EFHD1: variants seen among roughly 807,000 people sequenced by gnomAD.
The protein encoded by EFHD1 is EF-hand domain family member D1.
Under a neutral mutation model 17.2 loss-of-function variants are expected in EFHD1, and 10 were observed. That is an observed-to-expected ratio of 0.58 (90% confidence interval 0.36 to 0.99). The LOEUF (loss-of-function observed/expected upper bound fraction) is 0.99, where lower values mean the gene tolerates loss of function less well. Ranked by LOEUF, EFHD1 falls within the 50% of genes least tolerant of loss-of-function variation. EFHD1 has a pLI of 0.01. For synonymous variants in EFHD1, 153 were observed against 142.0 expected, an observed-to-expected ratio of 1.08 and a Z score of -0.55; for missense variants, 310 against 327.5, an observed-to-expected ratio of 0.95 and a Z score of 0.41.
intron 1 of EFHD1, among the ~76,000 whole-genome samples, chr2:232,609,834 C>T (rs1434375225): frequency 1.3e-5 from 2 of 152,248 alleles, no homozygotes; most frequent in African/African-American, 4.8e-5. Context: ...TGCCCTGAGG[C>T]CTCTGCAGGG....
At chr2:232,623,985 G>A (rs1482593657) in intron 1 of EFHD1, among the ~76,000 whole-genome samples, 1 of 152,144 alleles carries the variant, frequency 6.6e-6, no homozygotes, top group African/African-American at 2.4e-5. Flanking sequence ...GGAGGATGGA[G>A]CTTCCTAGGG....
chr2:232,664,399 G>A (rs1230656193), intron 2 of EFHD1, among the ~76,000 whole-genome samples: 1 of 151,830 alleles, frequency 6.6e-6, no homozygotes, highest in Non-Finnish European at 1.5e-5. Flanking sequence ...ATAGGCATGA[G>A]CCACCTTGCC....
intron 3 of EFHD1, 43 bp from the exon 4 acceptor site, chr2:232,681,542 C>A: frequency 6.3e-7 from 1 of 1,598,914 alleles, no homozygotes; most frequent in Non-Finnish European, 8.5e-7. Context: ...GGGTCCTCTG[C>A]CCTCCCTTAC....
intron 3 of EFHD1, among the ~76,000 whole-genome samples, chr2:232,676,800 A>G (rs1351508728): frequency 1.3e-5 from 2 of 152,302 alleles, no homozygotes; most frequent in East Asian, 1.9e-4. Context: ...AATCAGAGGT[A>G]TAAGGAAACC....
intron 3 of EFHD1, among the ~76,000 whole-genome samples, chr2:232,676,053 G>A (rs758398240): frequency 3.9e-5 from 6 of 152,090 alleles, no homozygotes; most frequent in Non-Finnish European, 8.8e-5. Context: ...GCATGCGCCT[G>A]TAATCCCAGC....
At chr2:232,672,519 T>G in intron 3 of EFHD1, 76 bp downstream of exon 3, 2 of 1,523,324 alleles carry the variant, frequency 1.3e-6, no homozygotes, top group Non-Finnish European at 1.8e-6. Context: ...AGCTGTCATT[T>G]TCATCTCAGC....
At position 232,633,780 on chromosome 2, in the gene EFHD1, C is replaced by T; in HGVS notation, c.76C>T (p.Leu26=). The T allele has an allele frequency of 6.8e-7, 1 of 1,460,304 alleles. No homozygotes were observed. The highest frequency in any genetic ancestry group is 9.0e-7 in the Non-Finnish European group (1 of 1,114,340). The allele number at this position is 1,460,304 out of a possible 1,614,324, so 90.5% of individuals were successfully genotyped here. A position where few individuals can be genotyped will look rare whatever the true frequency, so the allele number is the denominator to read the frequency against. Reference sequence around the variant, plus strand: ...GGAGGCCGAGGAGAGTGGCCCCCAGCTGGCTCCCCTCGGCGCCCCAGCCCC... The same window carrying T: ...GGAGGCCGAGGAGAGTGGCCCCCAGTTGGCTCCCCTCGGCGCCCCAGCCCC... ...REEAEESGPQ[L]APLGAPAPEP... is the part of the protein sequence containing the mutation. Residue 26 remains leucine (L), a synonymous_variant, in exon 1 of 4, where the codon CTG becomes TTG. Transcript: ENST00000264059.
intron 1 of EFHD1, among the ~76,000 whole-genome samples, chr2:232,613,414 A>G (rs1693843820): frequency 6.6e-6 from 1 of 152,102 alleles, no homozygotes; most frequent in Admixed American, 6.6e-5. Flanking sequence ...ACAGAGCAAG[A>G]CTCTGTCTCA....
At chr2:232,634,090 T>C in intron 1 of EFHD1, 84 bp downstream of exon 1, 1 of 1,549,212 alleles carries the variant, frequency 6.5e-7, no homozygotes. Context: ...GGGCCCTGTT[T>C]GTGTGGGGAG....
intron 1 of EFHD1, among the ~76,000 whole-genome samples, chr2:232,655,429 G>A (rs995825662): frequency 6.6e-6 from 1 of 152,230 alleles, no homozygotes; most frequent in African/African-American, 2.4e-5. Flanking sequence ...CTTCTCAACA[G>A]AAAATCCCCA....
intron 1 of EFHD1, among the ~76,000 whole-genome samples, chr2:232,616,198 CAG>C (rs1693926107): frequency 6.6e-6 from 1 of 152,138 alleles, no homozygotes; most frequent in Admixed American, 6.5e-5. Context: ...CAGCCTTCGA[CAG>C]GGAGGAAATT....
intron 1 of EFHD1, among the ~76,000 whole-genome samples, chr2:232,624,232 A>C (rs916057843): frequency 6.6e-6 from 1 of 152,160 alleles, no homozygotes; most frequent in African/African-American, 2.4e-5. Flanking sequence ...GAGCCTACCC[A>C]GGGAACCCAG....
At chr2:232,608,994 T>A (rs1460727507) in intron 1 of EFHD1, among the ~76,000 whole-genome samples, 1 of 150,952 alleles carries the variant, frequency 6.6e-6, no homozygotes, top group Non-Finnish European at 1.5e-5. Context: ...TACATTTGAA[T>A]GGATGAATCT....
At chr2:232,650,539 C>T (rs1187627216) in intron 1 of EFHD1, among the ~76,000 whole-genome samples, 1 of 83,398 alleles carries the variant, frequency 1.2e-5, no homozygotes, top group Non-Finnish European at 2.3e-5. Flanking sequence ...GGTGATCCAC[C>T]CGCCTCGGCC....
rs749490572 is a variant in EFHD1, at chr2:232,681,659, G to A, written c.660G>A (p.Glu220=). The A allele has an allele frequency of 6.2e-7, 1 of 1,614,282 alleles. No homozygotes were observed. The highest frequency in any genetic ancestry group is 2.2e-5 in the East Asian group (1 of 44,892). Residue 220 remains glutamate, a synonymous_variant, in exon 4 of 4, where the codon GAG becomes GAA. Transcript: ENST00000264059. Reference sequence around the variant, plus strand: ...AGCAAGATGAGCGGAAGCGGGAGGAGGAGGAGAGGCGGCTCCGCCAGGCAG... The same window carrying A: ...AGCAAGATGAGCGGAAGCGGGAGGAAGAGGAGAGGCGGCTCCGCCAGGCAG... ...KAEQDERKRE[E]EERRLRQAAF...
At chr2:232,644,859 C>G (rs1297942946) in intron 1 of EFHD1, among the ~76,000 whole-genome samples, 4 of 140,300 alleles carry the variant, frequency 2.9e-5, no homozygotes, top group African/African-American at 1.1e-4. Context: ...TCAGGCTGGT[C>G]TCAATCTCCG....
chr2:232,636,448 A>G (rs944023158), intron 1 of EFHD1, among the ~76,000 whole-genome samples: 8 of 152,242 alleles, frequency 5.3e-5, no homozygotes, highest in Non-Finnish European at 1.2e-4. Context: ...TGATGCATTT[A>G]GCTCCATGTT....
chr2:232,652,559 A>G lies in EFHD1; in HGVS notation c.303-10243A>G, dbSNP rs756389533. 2.6e-5 allele frequency among the ~76,000 whole-genome samples: 4 copies of G among 152,122 alleles called. No homozygotes were observed. In the East Asian group the frequency reaches 5.8e-4, roughly 22 times the overall value. ...CAGTACTGCTGTGTTCAGTGAGGTAATTTAGGACAGTGCCTGGCACTTCTA... is the reference window on the plus strand; with the variant it reads ...CAGTACTGCTGTGTTCAGTGAGGTAGTTTAGGACAGTGCCTGGCACTTCTA... On this transcript the variant is annotated intron_variant, in intron 1 of 3. Transcript: ENST00000264059.
upstream of EFHD1, among the ~76,000 whole-genome samples, chr2:232,631,286 T>TC (rs1694196757): frequency 6.8e-6 from 1 of 148,018 alleles, no homozygotes; most frequent in African/African-American, 2.5e-5. Flanking sequence ...CTCTCTTTCT[T>TC]TCTCTCTCTC....
Sources: gnomAD v4.1 joint callset for allele counts (sites outside exome capture counted in the v4.1 genomes callset) on GRCh38, gnomAD v4.1.1 for gene constraint, MANE v1.5 for transcripts, NCBI Gene and HGNC (gene_info 2026-07-23, HGNC 2026-07-21) for gene names.